CFAP47: variants seen among roughly 807,000 people sequenced by gnomAD.
The protein encoded by CFAP47 is cilia- and flagella-associated protein 47.
A neutral mutation model predicts 148.1 loss-of-function variants in CFAP47; 29 were observed. That is an observed-to-expected ratio of 0.20 (90% CI 0.15 to 0.27). CFAP47 has a LOEUF of 0.27. Among genes scored for constraint, CFAP47 ranks in the 10% least tolerant of loss-of-function variants. The probability of loss-of-function intolerance (pLI) is 1.00; values close to 1 mark genes in which losing one functional copy is unlikely to be tolerated. For synonymous variants in CFAP47, 664 were observed against 577.3 expected, an observed-to-expected ratio of 1.15 and a Z score of -2.15; for missense variants, 1,872 against 1,697.5, an observed-to-expected ratio of 1.10 and a Z score of -1.81.
At chrX:35,921,853 C>T (rs143203460) in intron 1 of CFAP47, among the ~76,000 whole-genome samples, 1,670 of 111,146 alleles carry the variant, frequency 0.015, 33 homozygotes, top group African/African-American at 0.051. Flanking sequence ...CTATTATAAT[C>T]ACTCAGAAAA....
intron 27 of CFAP47, among the ~76,000 whole-genome samples, chrX:36,068,194 C>A: frequency 8.9e-6 from 1 of 111,917 alleles, no homozygotes. Flanking sequence ...ACCCATGACA[C>A]CGTACACAGT....
At chrX:36,105,890 T>A (rs1430097640) in intron 33 of CFAP47, among the ~76,000 whole-genome samples, 1 of 112,690 alleles carries the variant, frequency 8.9e-6, no homozygotes, top group African/African-American at 3.2e-5. Flanking sequence ...TGCCAGTTAA[T>A]TTCAAAGATT....
chrX:36,003,573 AT>A (rs1001049030), intron 21 of CFAP47, among the ~76,000 whole-genome samples: 52 of 109,514 alleles, frequency 4.7e-4, no homozygotes, highest in Non-Finnish European at 8.0e-4. Context: ...AGTCCTCAGC[AT>A]TTTTTTTTAA....
chrX:36,298,732 A>G (rs782801225), intron 51 of CFAP47, among the ~76,000 whole-genome samples: 38 of 111,377 alleles, frequency 3.4e-4, no homozygotes, highest in African/African-American at 1.2e-3. Flanking sequence ...TCATCCATTT[A>G]GTTACATGGA....
chrX:36,242,896 A>G (rs1371342821), intron 48 of CFAP47, among the ~76,000 whole-genome samples: 1 of 111,650 alleles, frequency 9.0e-6, no homozygotes, highest in Non-Finnish European at 1.9e-5. Context: ...ACCAAGGTCA[A>G]TGTGAAAGAA....
At chrX:36,291,853 TAC>T (rs1556005611) in intron 51 of CFAP47, among the ~76,000 whole-genome samples, 2 of 111,353 alleles carry the variant, frequency 1.8e-5, no homozygotes, top group African/African-American at 6.5e-5. Flanking sequence ...TACATATATA[TAC>T]GTAGAGAATA....
intron 15 of CFAP47, among the ~76,000 whole-genome samples, chrX:35,987,414 G>A (rs1936731237): frequency 9.0e-6 from 1 of 111,115 alleles, no homozygotes; most frequent in African/African-American, 3.3e-5. Flanking sequence ...CACTGTGAGG[G>A]GAAAACAGCC....
At chrX:36,008,829 C>T (rs975298930) in intron 21 of CFAP47, among the ~76,000 whole-genome samples, 2 of 111,103 alleles carry the variant, frequency 1.8e-5, no homozygotes, top group African/African-American at 6.5e-5. Flanking sequence ...CTTCTTTGAA[C>T]TTTGTATTGT....
intron 49 of CFAP47, among the ~76,000 whole-genome samples, chrX:36,263,413 T>A (rs782468259): frequency 2.7e-5 from 3 of 112,215 alleles, no homozygotes; most frequent in Non-Finnish European, 5.6e-5. Flanking sequence ...GTAACATTCT[T>A]GAAGGTGGAT....
Position 36,153,516 on chromosome X carries a change from A to G in CFAP47, c.5786+4293A>G, listed in dbSNP as rs1178848038. ...TTACCCTGAGCTGGAATCTTGCTCC[A>G]ATGTCTCTACTGGTGTGAGGTCTTC... On this transcript the variant is annotated intron_variant, in intron 37 of 63. Coordinates refer to ENST00000378653, the MANE Select transcript of CFAP47 (RefSeq NM_001304548.2). Among the ~76,000 whole-genome samples, 9 of 111,784 alleles carry G rather than the reference A, an allele frequency of 8.1e-5. No homozygotes were observed. In the East Asian group the frequency reaches 2.5e-3, roughly 32 times the overall value.
In CFAP47 at chrX:36,132,361, A is replaced by T. The variant is rs1938963766; in HGVS notation, c.5321-5597A>T. ...CTGGTTCTGTCTCCAAAAAAAGACA[A>T]CCATTGACCAACACGTCTCAGACGA... On this transcript the variant is annotated intron_variant, in intron 33 of 63. Transcript: ENST00000378653. Among the ~76,000 whole-genome samples the T allele has an allele frequency of 1.8e-5, 2 of 111,836 alleles. 1 individual carries two copies. The highest frequency in any genetic ancestry group is 7.2e-4 in the South Asian group (2 of 2,761).
At chrX:36,364,103 G>T in intron 61 of CFAP47, among the ~76,000 whole-genome samples, 1 of 111,208 alleles carries the variant, frequency 9.0e-6, no homozygotes, top group Non-Finnish European at 1.9e-5. Context: ...GAGTTTGTGG[G>T]TGGCAACTTA....
chrX:36,090,988 G>T (rs1414220731), intron 30 of CFAP47, among the ~76,000 whole-genome samples: 1 of 111,513 alleles, frequency 9.0e-6, no homozygotes, highest in African/African-American at 3.3e-5. Flanking sequence ...CTATGTAAAA[G>T]TTTAATGAAA....
intron 19 of CFAP47, among the ~76,000 whole-genome samples, chrX:35,997,876 A>T (rs756429437): frequency 8.9e-6 from 1 of 111,823 alleles, no homozygotes; most frequent in Non-Finnish European, 1.9e-5. Context: ...GTCATACTGC[A>T]TAATAGTTAT....
In CFAP47 at chrX:36,233,175, A is replaced by C. The variant is rs148428308; in HGVS notation, c.7015-2759A>C. On this transcript the variant is annotated intron_variant, in intron 46 of 63. Transcript: ENST00000378653. ...GTTCAAGTCCTGGATATCCTTGTTA[A>C]TCTTCTGTCTCGTAGATCTGTCTAA... 2.7e-5 allele frequency among the ~76,000 whole-genome samples: 3 copies of C among 110,972 alleles called. No homozygotes were observed. The East Asian group carries it at 8.6e-4, about 32-fold the overall frequency.
intron 61 of CFAP47, among the ~76,000 whole-genome samples, chrX:36,361,876 A>G (rs920807013): frequency 4.6e-4 from 52 of 112,316 alleles, no homozygotes; most frequent in African/African-American, 1.5e-3. Flanking sequence ...GCAAATGCCT[A>G]AGCTATATTT....
chrX:36,335,677 T>C (rs1941599127), intron 57 of CFAP47, among the ~76,000 whole-genome samples: 1 of 111,209 alleles, frequency 9.0e-6, no homozygotes, highest in Non-Finnish European at 1.9e-5. Flanking sequence ...AAATGGAAAA[T>C]AGATTAGTGG....
chrX:36,083,013 G>A (rs941971687), intron 29 of CFAP47, among the ~76,000 whole-genome samples: 2 of 111,188 alleles, frequency 1.8e-5, no homozygotes, highest in Non-Finnish European at 3.8e-5. Context: ...TTAGGATTAT[G>A]TTAATATAGT....
chrX:35,966,326 A>G (rs1475886461), intron 8 of CFAP47, among the ~76,000 whole-genome samples: 6 of 113,003 alleles, frequency 5.3e-5, no homozygotes, highest in Non-Finnish European at 1.1e-4. Context: ...TTTAAGAAAT[A>G]TTAGCTGCTA....
Sources: gnomAD v4.1 joint callset for allele counts (sites outside exome capture counted in the v4.1 genomes callset) on GRCh38, gnomAD v4.1.1 for gene constraint, MANE v1.5 for transcripts, NCBI Gene and HGNC (gene_info 2026-07-23, HGNC 2026-07-21) for gene names.